SCAPER: variants seen among roughly 807,000 people sequenced by gnomAD.
The protein encoded by SCAPER is S phase cyclin A-associated protein in the endoplasmic reticulum.
SCAPER carries 98 observed loss-of-function variants against 182.2 expected under a neutral mutation model. The ratio of observed to expected loss-of-function variants is 0.54; its 90% confidence interval spans 0.46 to 0.64. SCAPER has a LOEUF of 0.64. Ranked by LOEUF, SCAPER falls within the 30% of genes least tolerant of loss-of-function variation. The pLI, the probability that SCAPER is intolerant of heterozygous loss-of-function variation, is 0.00. For missense variants in SCAPER, 1,432 were observed against 1,690.0 expected (o/e 0.85, Z 2.68); for synonymous variants, 605 against 564.6 (o/e 1.07, Z -1.01).
chr15:76,802,549 A>C (rs552892254), intron 6 of SCAPER, among the ~76,000 whole-genome samples: 3 of 152,302 alleles, frequency 2.0e-5, no homozygotes, highest in Admixed American at 6.5e-5. Flanking sequence ...AAAACCATCA[A>C]AAATTTTACT....
intron 17 of SCAPER, among the ~76,000 whole-genome samples, chr15:76,716,384 G>A (rs1393387716): frequency 2.0e-5 from 3 of 152,012 alleles, no homozygotes; most frequent in Non-Finnish European, 2.9e-5. Context: ...CATCATGGCA[G>A]GGTCACAAGA....
In SCAPER at chr15:76,602,855, A is replaced by C. The variant is rs1448013581; in HGVS notation, c.2711+18909T>G. On this transcript the variant is annotated intron_variant, in intron 22 of 31. Transcript: ENST00000563290. ...ATTTCCTCAGCTATCTGGTCTACTA[A>C]TCAGCCTATCAATAGCACTGTTCAC... is the stretch of plus-strand genomic sequence containing the variant. 2.1e-4 allele frequency among the ~76,000 whole-genome samples: 24 copies of C among 115,446 alleles called. 1 individual carries two copies. The highest frequency in any genetic ancestry group is 4.9e-4 in the African/African-American group (19 of 38,480). The allele number at this position is 115,446 out of a possible 152,430, so 75.7% of individuals were successfully genotyped here.
At chr15:76,444,441 C>T (rs1207861820) in intron 25 of SCAPER, among the ~76,000 whole-genome samples, 3 of 152,154 alleles carry the variant, frequency 2.0e-5, no homozygotes, top group Non-Finnish European at 4.4e-5. Context: ...AGTTTTTCCA[C>T]AAGTTTTCCC....
In SCAPER at chr15:76,857,815, A is replaced by G; in HGVS notation, c.189T>C (p.Thr63=). The change falls in exon 4 of 32, where the codon ACT becomes ACC. Residue 63 remains threonine (T), a synonymous_variant. Coordinates refer to ENST00000563290, the MANE Select transcript of SCAPER (RefSeq NM_020843.4). ...AAAGTTATAGATGCTGTACCTGTTT[A>G]GTAGTTTTATGAGTGCCTTGAATGG... The part of the protein sequence containing the change: ...KRTIQGTHKT[T]KQSTAVDCKI... 6.5e-7 allele frequency: 1 copy of G among 1,537,826 alleles called. No homozygotes were observed. Among genetic ancestry groups the G allele is most frequent in the Non-Finnish European group, 8.8e-7 (1 of 1,138,844 alleles).
chr15:76,492,951 C>G (rs1023597774), intron 24 of SCAPER, among the ~76,000 whole-genome samples: 1 of 147,366 alleles, frequency 6.8e-6, no homozygotes, highest in African/African-American at 2.5e-5. Context: ...GAAAATTTCT[C>G]CTACTGGCAC....
At chr15:76,711,549 A>T (rs1005040681) in intron 17 of SCAPER, among the ~76,000 whole-genome samples, 1 of 152,216 alleles carries the variant, frequency 6.6e-6, no homozygotes, top group Non-Finnish European at 1.5e-5. Context: ...GTTGTGAAGG[A>T]ACTGAAACTC....
rs1001736317 is a variant in SCAPER at position 76,574,277 on chromosome 15, G to A, written c.2719C>T (p.Arg907Ter). Residue 907 changes from arginine (R) to a stop codon, truncating the protein, a stop_gained, in exon 23 of 32, where the codon CGA (arginine) becomes TGA (stop). Transcript: ENST00000563290. LOFTEE classifies it high-confidence loss of function. ...SDSPYKAKLQ[R>*]LAKDLLKQVQ... is the part of the protein sequence containing the mutation. Reference sequence around the variant, plus strand: ...TGTTTTAGAAGATCTTTGGCTAATCGCTGAAGCCTTTAATACCAAATGAAA... The same window carrying A: ...TGTTTTAGAAGATCTTTGGCTAATCACTGAAGCCTTTAATACCAAATGAAA... 1 of 1,610,516 alleles carries A rather than the reference G, an allele frequency of 6.2e-7. No homozygotes were observed.
intron 15 of SCAPER, among the ~76,000 whole-genome samples, chr15:76,740,142 G>C (rs1021284531): frequency 1.3e-5 from 2 of 152,154 alleles, no homozygotes; most frequent in African/African-American, 4.8e-5. Flanking sequence ...CTTCAGCCTG[G>C]GTGATAAGAG....
intron 26 of SCAPER, among the ~76,000 whole-genome samples, chr15:76,432,869 A>C (rs1003195229): frequency 2.0e-5 from 3 of 152,228 alleles, no homozygotes; most frequent in Admixed American, 6.5e-5. Flanking sequence ...CCTTGGGCTA[A>C]GTACTTAACT....
At chr15:76,644,308 C>T (rs1366137004) in intron 21 of SCAPER, among the ~76,000 whole-genome samples, 1 of 152,062 alleles carries the variant, frequency 6.6e-6, no homozygotes, top group Non-Finnish European at 1.5e-5. Flanking sequence ...TAATGTGACT[C>T]TTCTCATTAA....
At chr15:76,611,007 G>C (rs1277861174) in intron 22 of SCAPER, among the ~76,000 whole-genome samples, 1 of 152,050 alleles carries the variant, frequency 6.6e-6, no homozygotes, top group East Asian at 1.9e-4. Context: ...CACACTTCCT[G>C]ACTTTAAATT....
At chr15:76,371,321 T>C (rs543456480) in intron 29 of SCAPER, among the ~76,000 whole-genome samples, 25 of 141,290 alleles carry the variant, frequency 1.8e-4, no homozygotes, top group South Asian at 1.1e-3. Flanking sequence ...CTCTCTCTCT[T>C]TTTTTTTTTT....
intron 21 of SCAPER, among the ~76,000 whole-genome samples, chr15:76,655,642 C>T (rs11072611): frequency 0.27 from 40,589 of 151,922 alleles, 5,660 homozygotes; most frequent in East Asian, 0.48. Context: ...GATGAACATG[C>T]GTACAAAAAT....
chr15:76,543,124 A>G (rs1050625090), intron 23 of SCAPER, among the ~76,000 whole-genome samples: 1 of 152,206 alleles, frequency 6.6e-6, no homozygotes, highest in South Asian at 2.1e-4. Flanking sequence ...GAATGTCACA[A>G]TCACATGTAG....
intron 26 of SCAPER, among the ~76,000 whole-genome samples, chr15:76,423,535 A>G (rs932939999): frequency 6.6e-6 from 1 of 152,062 alleles, no homozygotes; most frequent in Non-Finnish European, 1.5e-5. Flanking sequence ...TCTTGCTAGC[A>G]GTCTGTCAAT....
At chr15:76,541,127 G>GA (rs939463776) in intron 23 of SCAPER, among the ~76,000 whole-genome samples, 72 of 142,212 alleles carry the variant, frequency 5.1e-4, no homozygotes, top group African/African-American at 1.3e-3. Context: ...CTCAAAAAAA[G>GA]AAAAAAAAAA....
intron 23 of SCAPER, among the ~76,000 whole-genome samples, chr15:76,516,124 GT>G (rs1012039280): frequency 6.6e-6 from 1 of 150,880 alleles, no homozygotes; most frequent in East Asian, 1.9e-4. Context: ...CTTGGCATCA[GT>G]TTTTTTTGCG....
At chr15:76,834,932 C>A (rs2068801775) in intron 5 of SCAPER, among the ~76,000 whole-genome samples, 2 of 151,870 alleles carry the variant, frequency 1.3e-5, no homozygotes, top group South Asian at 4.2e-4. Context: ...CAAAAAAATC[C>A]CTGAACCAGA....
intron 2 of SCAPER, among the ~76,000 whole-genome samples, chr15:76,872,440 A>C (rs2072791568): frequency 1.3e-5 from 2 of 152,148 alleles, no homozygotes; most frequent in Admixed American, 1.3e-4. Context: ...AAATCTTAAC[A>C]GTGTACAGAG....
Sources: allele counts gnomAD v4.1 joint callset (sites outside exome capture counted in the v4.1 genomes callset), GRCh38; gene constraint gnomAD v4.1.1; transcripts MANE v1.5; gene names NCBI Gene and HGNC (gene_info 2026-07-23, HGNC 2026-07-21).